Variants in CTNNA2 observed in about 807,000 individuals in gnomAD.
CTNNA2 encodes catenin alpha-2.
CTNNA2 carries 42 observed loss-of-function variants against 101.0 expected under a neutral mutation model. The ratio of observed to expected loss-of-function variants is 0.42; its 90% CI spans 0.32 to 0.54. The LOEUF (loss-of-function observed/expected upper bound fraction) is 0.54. Ranked by LOEUF, CTNNA2 falls within the 20% of genes least tolerant of loss-of-function variation. CTNNA2 has a pLI of 0.14. For synonymous variants in CTNNA2, 450 were observed against 456.4 expected (o/e 0.99, Z 0.18); for missense variants, 871 against 1,223.1 (o/e 0.71, Z 4.29).
intron 3 of CTNNA2, among the ~76,000 whole-genome samples, chr2:79,827,388 G>A (rs2105406441): frequency 6.6e-6 from 1 of 152,266 alleles, no homozygotes; most frequent in Non-Finnish European, 1.5e-5. Flanking sequence ...ATAAGCATAA[G>A]CTGAAAGTTG....
intron 9 of CTNNA2, among the ~76,000 whole-genome samples, chr2:80,483,383 T>TATAC (rs1686300426): frequency 6.7e-6 from 1 of 148,824 alleles, no homozygotes; most frequent in Admixed American, 6.7e-5. Context: ...TATATATATA[T>TATAC]ATATTTACAT....
intron 6 of CTNNA2, among the ~76,000 whole-genome samples, chr2:79,890,675 T>G (rs1466646714): frequency 6.6e-6 from 1 of 151,602 alleles, no homozygotes; most frequent in Non-Finnish European, 1.5e-5. Flanking sequence ...TTAAAAAGTT[T>G]TAAGATAATC....
intron 7 of CTNNA2, among the ~76,000 whole-genome samples, chr2:80,324,269 C>G (rs992664391): frequency 1.3e-5 from 2 of 152,162 alleles, no homozygotes; most frequent in African/African-American, 4.8e-5. Flanking sequence ...CAAAGGGGCT[C>G]TCTTGGATCC....
At chr2:80,645,800 G>T (rs1674019912) in intron 18 of CTNNA2, among the ~76,000 whole-genome samples, 1 of 152,172 alleles carries the variant, frequency 6.6e-6, no homozygotes, top group South Asian at 2.1e-4. Context: ...AGTGATTTTG[G>T]TATACGTGCA....
chr2:79,795,222 C>G (rs1013230796), intron 3 of CTNNA2, among the ~76,000 whole-genome samples: 2 of 152,016 alleles, frequency 1.3e-5, no homozygotes, highest in African/African-American at 4.8e-5. Context: ...ACTATGATAT[C>G]TTTTTATATA....
chr2:79,783,530 AT>A (rs2105213422), intron 3 of CTNNA2, among the ~76,000 whole-genome samples: 1 of 152,260 alleles, frequency 6.6e-6, no homozygotes, highest in East Asian at 1.9e-4. Context: ...AATTGTGTGG[AT>A]TCCTTTTGTT....
At chr2:79,287,720 C>A (rs1421816120) in intron 2 of CTNNA2, among the ~76,000 whole-genome samples, 1 of 152,146 alleles carries the variant, frequency 6.6e-6, no homozygotes, top group African/African-American at 2.4e-5. Context: ...TGCCCTGCCC[C>A]CAGAGGTGGA....
chr2:80,475,047 C>T (rs771632484), intron 9 of CTNNA2, among the ~76,000 whole-genome samples: 3 of 152,170 alleles, frequency 2.0e-5, no homozygotes, highest in African/African-American at 4.8e-5. Flanking sequence ...GATTTTTACT[C>T]AACATGTTAA....
chr2:80,630,799 G>A (rs10460584), intron 18 of CTNNA2, among the ~76,000 whole-genome samples: 49,255 of 151,992 alleles, frequency 0.32, 9,291 homozygotes, highest in East Asian at 0.45. Flanking sequence ...GATTCAAATT[G>A]CTTCTGTGTT....
intron 7 of CTNNA2, among the ~76,000 whole-genome samples, chr2:80,172,037 G>A (rs1433728661): frequency 6.6e-6 from 1 of 152,152 alleles, no homozygotes; most frequent in African/African-American, 2.4e-5. Flanking sequence ...AGCAGCAAGG[G>A]AGAAATCATA....
chr2:79,509,501 A>G (rs879031220), upstream of CTNNA2, among the ~76,000 whole-genome samples: 4 of 152,210 alleles, frequency 2.6e-5, no homozygotes, highest in Non-Finnish European at 5.9e-5. Flanking sequence ...AAAGAAGCCA[A>G]TCTGAAAAGG....
At chr2:79,785,305 A>G (rs1674753072) in intron 3 of CTNNA2, among the ~76,000 whole-genome samples, 1 of 152,016 alleles carries the variant, frequency 6.6e-6, no homozygotes, top group Non-Finnish European at 1.5e-5. Context: ...CCTTACTCAC[A>G]TCCCTTCTTT....
At chr2:80,469,598 A>G (rs1342445866) in intron 9 of CTNNA2, among the ~76,000 whole-genome samples, 2 of 152,228 alleles carry the variant, frequency 1.3e-5, no homozygotes, top group Admixed American at 6.5e-5. Context: ...CAAGCCACAA[A>G]TAGGAAGTTG....
intron 2 of CTNNA2, among the ~76,000 whole-genome samples, chr2:79,224,320 G>C (rs1166957142): frequency 2.6e-5 from 4 of 152,040 alleles, no homozygotes; most frequent in Admixed American, 1.3e-4. Context: ...GTATATGTGT[G>C]TATTAACATT....
At chr2:79,797,216 G>A (rs1334303552) in intron 3 of CTNNA2, among the ~76,000 whole-genome samples, 1 of 152,168 alleles carries the variant, frequency 6.6e-6, no homozygotes, top group African/African-American at 2.4e-5. Context: ...TAGACATCCA[G>A]TATAAAGTCA....
intron 3 of CTNNA2, among the ~76,000 whole-genome samples, chr2:79,340,727 G>A (rs1677113292): frequency 6.6e-6 from 1 of 151,530 alleles, no homozygotes; most frequent in Non-Finnish European, 1.5e-5. Flanking sequence ...CCAGCTACTG[G>A]GGAGGCTGAG....
chr2:79,914,731 A>G (rs1686067281), intron 7 of CTNNA2, among the ~76,000 whole-genome samples: 2 of 152,136 alleles, frequency 1.3e-5, no homozygotes, highest in South Asian at 2.1e-4. Flanking sequence ...TTTTAATTGT[A>G]TTTTTAAAAA....
intron 7 of CTNNA2, among the ~76,000 whole-genome samples, chr2:80,371,338 A>T (rs1675423430): frequency 6.6e-6 from 1 of 152,200 alleles, no homozygotes; most frequent in Admixed American, 6.5e-5. Context: ...CATAGCAGTC[A>T]TTATCAGCAA....
At chr2:79,885,960 T>C (rs1683826755) in intron 6 of CTNNA2, among the ~76,000 whole-genome samples, 1 of 152,180 alleles carries the variant, frequency 6.6e-6, no homozygotes, top group South Asian at 2.1e-4. Flanking sequence ...TAGGATAAGG[T>C]TTAGCCACCA....
Sources: allele counts gnomAD v4.1 joint callset (sites outside exome capture counted in the v4.1 genomes callset), GRCh38; gene constraint gnomAD v4.1.1; transcripts MANE v1.5; gene names NCBI Gene and HGNC (gene_info 2026-07-23, HGNC 2026-07-21).